The following DPP9 variants were observed in gnomAD, a reference collection of about 807,000 sequenced individuals.
DPP9 encodes the protein dipeptidyl peptidase 9, also known as dipeptidyl peptidase IV-related protein-2.
Under a neutral mutation model 110.7 loss-of-function variants are expected in DPP9, and 50 were observed. The ratio of observed to expected loss-of-function variants is 0.45; its 90% confidence interval spans 0.36 to 0.57. The LOEUF is 0.57. Ranked by LOEUF, DPP9 falls within the 20% of genes least tolerant of loss-of-function variation. The pLI is 0.00. For missense variants in DPP9, 1,022 were observed against 1,217.9 expected, an observed-to-expected ratio of 0.84 and a Z score of 2.39; for synonymous variants, 561 against 514.4, an observed-to-expected ratio of 1.09 and a Z score of -1.23.
intron 16 of DPP9, among the ~76,000 whole-genome samples, chr19:4,686,466 C>T (rs940071353): frequency 9.9e-5 from 15 of 151,846 alleles, no homozygotes; most frequent in Admixed American, 2.6e-4. Flanking sequence ...ATTACAGGTG[C>T]GCGCCACCAC....
chr19:4,707,496 G>A (rs2092641184), intron 4 of DPP9, among the ~76,000 whole-genome samples: 1 of 151,726 alleles, frequency 6.6e-6, no homozygotes, highest in African/African-American at 2.4e-5. Flanking sequence ...CTAACGACAA[G>A]TCACAGACAG....
rs914517315 is a variant in DPP9, at chr19:4,687,306, TG to T, written c.1885+1450del. ...AGAATGTTCTGGAAACCCACCAACA[TG>T]GCAGAGACAGGGCCAGGGTGGGTTG... is the stretch of plus-strand genomic sequence containing the variant. On this transcript the variant is annotated intron_variant, in intron 16 of 21. Transcript: ENST00000262960. This position sits in a 1 kb window ranked among gnomAD's most constrained non-coding sequence, Gnocchi z 4.7. Among the ~76,000 whole-genome samples, 48 of 152,306 alleles carry T rather than the reference TG, an allele frequency of 3.2e-4. No individual in the cohort carries two copies. Among genetic ancestry groups the T allele is most frequent in the African/African-American group, 1.1e-3 (46 of 41,574 alleles).
chr19:4,691,144 G>C (rs1356447690), intron 13 of DPP9, among the ~76,000 whole-genome samples, 187 bp from the exon 14 acceptor site: 2 of 152,160 alleles, frequency 1.3e-5, no homozygotes, highest in African/African-American at 4.8e-5. Context: ...AGCCTGCGGG[G>C]CCTGTTCCTG....
In DPP9 at chr19:4,695,570, G is replaced by A. The variant is rs760712821; in HGVS notation, c.1176-15C>T. The A allele has an allele frequency of 4.1e-6, 6 of 1,456,732 alleles. No individual in the cohort carries two copies. In the African/African-American group the frequency reaches 5.8e-5, roughly 14 times the overall value. The allele number at this position is 1,456,732 out of a possible 1,614,324, so 90.2% of individuals were successfully genotyped here. A position where few individuals can be genotyped will look rare whatever the true frequency, so the allele number is the denominator to read the frequency against. ...TGGCCCAGGCGCTAAGGGGGAAGATGCGGGGGAAGATGAGAGGGAAGCTGG... is the reference window on the plus strand; with the variant it reads ...TGGCCCAGGCGCTAAGGGGGAAGATACGGGGGAAGATGAGAGGGAAGCTGG... On this transcript the variant is annotated splice_polypyrimidine_tract_variant and intron_variant, in intron 11 of 21. Transcript: ENST00000262960. The surrounding 1 kb of genome is among the most constrained non-coding windows in gnomAD (Gnocchi z 4.7).
intron 2 of DPP9, 177 bp downstream of exon 2, chr19:4,722,322 T>G (rs1599968151): frequency 1.7e-6 from 1 of 576,504 alleles, no homozygotes; most frequent in Non-Finnish European, 3.1e-6. Flanking sequence ...GGGACAGGGG[T>G]GGAAAGAAAA....
At position 4,693,209 on chromosome 19, in the gene DPP9, C is replaced by T. The variant is rs2091480829; in HGVS notation, c.1516+1452G>A. 1.3e-5 allele frequency among the ~76,000 whole-genome samples: 2 copies of T among 152,132 alleles called. No homozygotes were observed. The highest frequency in any genetic ancestry group is 4.1e-4 in the South Asian group (2 of 4,834). ...GATGGCCCCGCCCCAGAGAACCACC[C>T]GGCCCTGGCGTCCATGGTGTCCCTG... On this transcript the variant is annotated intron_variant, in intron 13 of 21. Transcript: ENST00000262960. This position sits in a 1 kb window ranked among gnomAD's most constrained non-coding sequence, Gnocchi z 5.0.
chr19:4,705,544 C>T (rs73543629), intron 5 of DPP9, among the ~76,000 whole-genome samples: 9,803 of 152,336 alleles, frequency 0.064, 565 homozygotes, highest in African/African-American at 0.15. Flanking sequence ...TCAACTATCC[C>T]CAGAGAGCCA....
At chr19:4,722,621 C>A (rs969355879) in intron 1 of DPP9, 70 bp from the exon 2 acceptor site, 9 of 699,642 alleles carry the variant, frequency 1.3e-5, no homozygotes, top group Non-Finnish European at 2.1e-5. Flanking sequence ...CAGCCTCCCC[C>A]ACTCAGGAGC....
chr19:4,681,140 G>A (rs72620525), intron 20 of DPP9, among the ~76,000 whole-genome samples: 6,335 of 152,178 alleles, frequency 0.042, 181 homozygotes, highest in East Asian at 0.064. Flanking sequence ...CCAAATTAAC[G>A]GAACTTATAA....
At chr19:4,680,001 G>T in intron 20 of DPP9, 55 bp from the exon 21 acceptor site, 1 of 1,317,180 alleles carries the variant, frequency 7.6e-7, no homozygotes, top group Non-Finnish European at 1.1e-6. Context: ...GGGGTAGGAG[G>T]GGAGCAGATC....
Position 4,689,862 on chromosome 19 carries a change from T to C in DPP9, c.1597-140A>G. Reference sequence around the variant, plus strand: ...CCTCGCCCAAGTCTGGCTTTAGGGCTGGAGATGAACCATCCCTGAGAGATG... The same window carrying C: ...CCTCGCCCAAGTCTGGCTTTAGGGCCGGAGATGAACCATCCCTGAGAGATG... On this transcript the variant is annotated intron_variant, in intron 14 of 21. Transcript: ENST00000262960. This position sits in a 1 kb window ranked among gnomAD's most constrained non-coding sequence, Gnocchi z 7.0. 1.0e-6 allele frequency: 1 copy of C among 967,216 alleles called. No individual in the cohort carries two copies. The allele number at this position is 967,216 out of a possible 1,614,324, so 59.9% of individuals were successfully genotyped here.
intron 5 of DPP9, among the ~76,000 whole-genome samples, 180 bp downstream of exon 5, chr19:4,705,678 G>C (rs1208564347): frequency 1.3e-5 from 2 of 152,274 alleles, no homozygotes; most frequent in Admixed American, 6.5e-5. Context: ...TCTGTCGCTT[G>C]AGTACAGGTG....
intron 20 of DPP9, 134 bp from the exon 21 acceptor site, chr19:4,680,080 A>C (rs72977964): frequency 1.7e-6 from 1 of 596,968 alleles, no homozygotes; most frequent in Non-Finnish European, 3.0e-6. Context: ...AAATATATTT[A>C]AAAAAAATTA....
intron 10 of DPP9, among the ~76,000 whole-genome samples, chr19:4,699,504 G>A (rs1210669559): frequency 6.6e-6 from 1 of 152,182 alleles, no homozygotes; most frequent in Non-Finnish European, 1.5e-5. Context: ...GGATGTGAGA[G>A]AAGGGAGGGA....
At position 4,676,285 on chromosome 19, in the gene DPP9, G is replaced by A. The variant is rs139093540; in HGVS notation, c.*279C>T. On this transcript the variant is annotated 3_prime_UTR_variant, in exon 22 of 22. Transcript: ENST00000262960. This position sits in a 1 kb window ranked among gnomAD's most constrained non-coding sequence, Gnocchi z 4.0. ...GCCTCTCCAGTGCCCATCAGCGTGT[G>A]ACCTCCTCCTCCCAGAAGGCGGGGA... The A allele has an allele frequency of 3.0e-4, 146 of 488,728 alleles. No individual in the cohort carries two copies. The East Asian group carries it at 4.6e-3, about 16-fold the overall frequency. The allele number at this position is 488,728 out of a possible 1,614,324, so 30.3% of individuals were successfully genotyped here.
chr19:4,684,419 C>T lies in DPP9; in HGVS notation c.2178+244G>A, dbSNP rs761472962. 8.0e-5 allele frequency: 44 copies of T among 547,752 alleles called. No individual in the cohort carries two copies. Among genetic ancestry groups the T allele is most frequent in the Non-Finnish European group, 1.3e-4 (41 of 306,980 alleles). The allele number at this position is 547,752 out of a possible 1,614,324, so 33.9% of individuals were successfully genotyped here. A position where few individuals can be genotyped will look rare whatever the true frequency, so the allele number is the denominator to read the frequency against. On this transcript the variant is annotated intron_variant, in intron 18 of 21. Coordinates refer to ENST00000262960, the MANE Select transcript of DPP9 (RefSeq NM_139159.5). This position sits in a 1 kb window ranked among gnomAD's most constrained non-coding sequence, Gnocchi z 4.8. Reference sequence around the variant, plus strand: ...GGGCCGAGATGATCGCCATCACCACCGTCGTCATCACCAGTGTCAGCACAA... The same window carrying T: ...GGGCCGAGATGATCGCCATCACCACTGTCGTCATCACCAGTGTCAGCACAA...
chr19:4,702,707 T>C lies in DPP9; in HGVS notation c.779A>G (p.Asn260Ser), dbSNP rs770483816. Residue 260 changes from asparagine (N) to serine (S), a missense_variant, in exon 8 of 22, where the codon AAT (asparagine) becomes AGT (serine). By Grantham distance (46) the Asn-to-Ser change is conservative. Transcript: ENST00000262960. ...RLTFCHQGLS[N>S]VLDDPKSAGV... ...CGCAGACTTGGGGTCATCCAGGACA[T>C]TGGATAAACCTAGGGGGAGGGACGG... 1.3e-5 allele frequency: 21 copies of C among 1,590,470 alleles called. No homozygotes were observed. The highest frequency in any genetic ancestry group is 5.7e-5 in the South Asian group (5 of 87,408).
At chr19:4,716,294 G>C (rs533850091) in intron 3 of DPP9, 1 of 152,552 alleles carries the variant, frequency 6.6e-6, no homozygotes, top group South Asian at 2.1e-4. Context: ...AGCCTGCTTT[G>C]AGAGGGAAGG....
At chr19:4,705,537 A>G (rs1243350647) in intron 5 of DPP9, among the ~76,000 whole-genome samples, 1 of 152,182 alleles carries the variant, frequency 6.6e-6, no homozygotes, top group Non-Finnish European at 1.5e-5. Flanking sequence ...TCCTCCCTCA[A>G]CTATCCCCAG....
Sources: gnomAD v4.1 joint callset for allele counts (sites outside exome capture counted in the v4.1 genomes callset) on GRCh38, gnomAD v4.1.1 for gene constraint, Gnocchi (gnomAD v3.1) non-coding constraint, MANE v1.5 for transcripts, NCBI Gene and HGNC (gene_info 2026-07-23, HGNC 2026-07-21) for gene names.